ERC1: variants seen among roughly 807,000 people sequenced by gnomAD.
ERC1 encodes RAB6 interacting protein 2.
A neutral mutation model predicts 132.0 loss-of-function variants in ERC1; 56 were observed. That is an observed-to-expected ratio of 0.42 (90% CI 0.34 to 0.53). The LOEUF is 0.53. Among genes scored for constraint, ERC1 ranks in the 20% least tolerant of loss-of-function variants. The pLI is 0.03. For synonymous variants in ERC1, 478 were observed against 476.1 expected, an observed-to-expected ratio of 1.00 and a Z score of -0.05; for missense variants, 1,202 against 1,349.9, an observed-to-expected ratio of 0.89 and a Z score of 1.72.
chr12:1,300,041 C>T (rs1016278295), intron 15 of ERC1, among the ~76,000 whole-genome samples: 2 of 152,096 alleles, frequency 1.3e-5, no homozygotes, highest in African/African-American at 4.8e-5. Flanking sequence ...AAGCTGGAGG[C>T]ATTATGCTAC....
chr12:1,096,988 T>A (rs1944116599), intron 3 of ERC1, among the ~76,000 whole-genome samples: 1 of 152,248 alleles, frequency 6.6e-6, no homozygotes, highest in African/African-American at 2.4e-5. Flanking sequence ...ATATGTTAAA[T>A]TAATATCATT....
chr12:1,400,417 A>G (rs1260555952), intron 16 of ERC1, among the ~76,000 whole-genome samples: 1 of 152,008 alleles, frequency 6.6e-6, no homozygotes, highest in African/African-American at 2.4e-5. Context: ...AATTTTATAA[A>G]TTTTGATGTG....
At chr12:1,066,571 T>C (rs995066479) in intron 2 of ERC1, among the ~76,000 whole-genome samples, 1 of 152,168 alleles carries the variant, frequency 6.6e-6, no homozygotes, top group Non-Finnish European at 1.5e-5. Flanking sequence ...GTGCGGTGGC[T>C]CACGCCTGTA....
chr12:1,016,235 T>G (rs1213555320), intron 1 of ERC1, among the ~76,000 whole-genome samples: 1 of 152,250 alleles, frequency 6.6e-6, no homozygotes, highest in Non-Finnish European at 1.5e-5. Context: ...GGGTGGTATA[T>G]TACATTTTCT....
At chr12:1,008,295 G>A (rs1389154139) in intron 1 of ERC1, among the ~76,000 whole-genome samples, 1 of 152,152 alleles carries the variant, frequency 6.6e-6, no homozygotes, top group Non-Finnish European at 1.5e-5. Context: ...TTAGAAATAT[G>A]AGCCACATAT....
chr12:1,414,748 T>C (rs1298266839), intron 17 of ERC1, among the ~76,000 whole-genome samples: 1 of 152,120 alleles, frequency 6.6e-6, no homozygotes, highest in Non-Finnish European at 1.5e-5. Flanking sequence ...CTGTAGAATG[T>C]AGGCCCCATG....
intron 2 of ERC1, among the ~76,000 whole-genome samples, chr12:1,058,787 A>ATT (rs1360738561): frequency 3.6e-3 from 151 of 41,572 alleles, no homozygotes; most frequent in African/African-American, 0.011. Context: ...TTTGGAAAGT[A>ATT]TGTTTTTTTT....
rs1400810426 is a variant in ERC1 at position 1,495,061 on chromosome 12, T to C, written c.*4831T>C. On this transcript the variant is annotated 3_prime_UTR_variant, in exon 19 of 19. Transcript: ENST00000360905. The stretch of plus-strand genomic sequence containing the variant: ...TTTTCCTATACATGTTCAGGACCTC[T>C]GGGTAGAGGTTTCACAGTTTGTGAC... 1 of 229,300 alleles carries C rather than the reference T, an allele frequency of 4.4e-6. No homozygotes were observed. Among genetic ancestry groups the C allele is most frequent in the Non-Finnish European group, 8.6e-6 (1 of 115,658 alleles). The allele number at this position is 229,300 out of a possible 1,614,324, so 14.2% of individuals were successfully genotyped here. A position where few individuals can be genotyped will look rare whatever the true frequency, so the allele number is the denominator to read the frequency against.
intron 1 of ERC1, among the ~76,000 whole-genome samples, chr12:998,853 CTTTTTTTTTTT>C (rs527367596): frequency 3.9e-5 from 4 of 102,466 alleles, no homozygotes; most frequent in African/African-American, 1.6e-4. Context: ...TTCTCTGTCA[CTTTTTTTTTTT>C]TTTTTTTTTT....
chr12:1,150,640 A>G (rs964771376), intron 8 of ERC1, among the ~76,000 whole-genome samples: 2 of 152,212 alleles, frequency 1.3e-5, no homozygotes, highest in Admixed American at 6.5e-5. Flanking sequence ...CAGTATGTGT[A>G]CTTGATATGA....
chr12:1,374,998 T>C (rs532353730), intron 16 of ERC1, among the ~76,000 whole-genome samples: 1 of 152,310 alleles, frequency 6.6e-6, no homozygotes, highest in East Asian at 1.9e-4. Flanking sequence ...TTGATTCCAG[T>C]GTTTTGTAGG....
At chr12:1,233,466 GTC>G (rs1221188091) in intron 12 of ERC1, among the ~76,000 whole-genome samples, 143 of 87,974 alleles carry the variant, frequency 1.6e-3, no homozygotes, top group Middle Eastern at 0.01. Flanking sequence ...GTGAGACCCT[GTC>G]TCAAAAAAAA....
At position 1,369,314 on chromosome 12, in the gene ERC1, C is replaced by G. The variant is rs181866075; in HGVS notation, c.2781-2519C>G. On this transcript the variant is annotated intron_variant, in intron 15 of 18. Transcript: ENST00000360905. Reference sequence around the variant, plus strand: ...ACCATTTATGAAAGAGTTTGGAATTCAGTCAAGAAGCTTCAACAATATGGA... The same window carrying G: ...ACCATTTATGAAAGAGTTTGGAATTGAGTCAAGAAGCTTCAACAATATGGA... Among the ~76,000 whole-genome samples, 117 of 152,294 alleles carry G rather than the reference C, an allele frequency of 7.7e-4. 2 individuals carry two copies. Among genetic ancestry groups the G allele is most frequent in the African/African-American group, 2.6e-3 (110 of 41,566 alleles).
chr12:1,059,594 CAT>C (rs1405623754), intron 2 of ERC1, among the ~76,000 whole-genome samples: 1 of 152,112 alleles, frequency 6.6e-6, no homozygotes, highest in Admixed American at 6.6e-5. Flanking sequence ...TTGAGATAAT[CAT>C]ATGGATTTTG....
In ERC1 at chr12:1,121,717, A is replaced by ATCTGTG. The variant is rs1315634675; in HGVS notation, c.1569+5687_1569+5688insGTGTCT. 5.4e-4 allele frequency among the ~76,000 whole-genome samples: 3 copies of ATCTGTG among 5,540 alleles called. 1 individual carries two copies. The highest frequency in any genetic ancestry group is 9.6e-4 in the African/African-American group (3 of 3,120). The allele number at this position is 5,540 out of a possible 152,430, so 3.6% of individuals were successfully genotyped here. A position where few individuals can be genotyped will look rare whatever the true frequency, so the allele number is the denominator to read the frequency against. On this transcript the variant is annotated intron_variant, in intron 7 of 18. Transcript: ENST00000360905. ...TATCTCTATCTCTATCTGTGTCTCTATCTCTATCTCTATCTCTATCTCTAT... is the reference window on the plus strand; with the variant it reads ...TATCTCTATCTCTATCTGTGTCTCTATCTGTGTCTCTATCTCTATCTCTATCTCTAT...
chr12:1,083,118 G>A (rs2154189119), intron 2 of ERC1, 46 bp from the exon 3 acceptor site: 1 of 1,530,730 alleles, frequency 6.5e-7, no homozygotes, highest in African/African-American at 1.4e-5. Flanking sequence ...TTTGCTACTT[G>A]AGGAGGAAAG....
intron 13 of ERC1, among the ~76,000 whole-genome samples, chr12:1,246,610 C>T (rs977981426): frequency 2.0e-5 from 3 of 152,114 alleles, no homozygotes; most frequent in African/African-American, 4.8e-5. Context: ...TTTATTTTAA[C>T]AGAAGACTAA....
chr12:1,002,124 A>G (rs1177808150), intron 1 of ERC1, among the ~76,000 whole-genome samples: 5 of 140,272 alleles, frequency 3.6e-5, no homozygotes, highest in African/African-American at 1.3e-4. Context: ...AGCCTCTCAA[A>G]GTGCTGGGAT....
At chr12:1,218,833 TAC>T (rs60378521) in intron 12 of ERC1, among the ~76,000 whole-genome samples, 9,827 of 148,312 alleles carry the variant, frequency 0.066, 608 homozygotes, top group African/African-American at 0.16. Context: ...TATATATATA[TAC>T]ACACACACAC....
Sources: allele counts gnomAD v4.1 joint callset (sites outside exome capture counted in the v4.1 genomes callset), GRCh38; gene constraint gnomAD v4.1.1; transcripts MANE v1.5; gene names NCBI Gene and HGNC (gene_info 2026-07-23, HGNC 2026-07-21).